Variants in PCDHGB1 observed in about 807,000 individuals in gnomAD.
PCDHGB1 encodes the protein protocadherin gamma-B1.
Under a neutral mutation model 56.6 loss-of-function variants are expected in PCDHGB1, and 34 were observed. The ratio of observed to expected loss-of-function variants is 0.60; its 90% confidence interval spans 0.46 to 0.80. PCDHGB1 has a LOEUF of 0.80. Among genes scored for constraint, PCDHGB1 ranks in the 30% least tolerant of loss-of-function variants. The pLI, the probability that PCDHGB1 is intolerant of heterozygous loss-of-function variation, is 0.00. For missense variants in PCDHGB1, 1,278 were observed against 1,204.6 expected, an observed-to-expected ratio of 1.06 and a Z score of -0.90; for synonymous variants, 561 against 505.9, an observed-to-expected ratio of 1.11 and a Z score of -1.46.
chr5:141,414,792 C>T (rs2095788725), intron 1 of PCDHGB1: 6 of 1,614,230 alleles, frequency 3.7e-6, no homozygotes, highest in African/African-American at 2.7e-5. Flanking sequence ...TGACAGCCAG[C>T]GACAGCGGGG....
At chr5:141,410,430 A>G in intron 1 of PCDHGB1, 1 of 1,613,976 alleles carries the variant, frequency 6.2e-7, no homozygotes, top group Middle Eastern at 1.6e-4. Context: ...CCCCCCAACT[A>G]CAGTGAGGGG....
At chr5:141,465,747 A>G (rs2099108470) in intron 1 of PCDHGB1, among the ~76,000 whole-genome samples, 2 of 151,126 alleles carry the variant, frequency 1.3e-5, no homozygotes, top group African/African-American at 4.9e-5. Flanking sequence ...TCAGGATCAG[A>G]CTGGTAAAGT....
chr5:141,439,390 C>T (rs528547728), intron 1 of PCDHGB1, among the ~76,000 whole-genome samples: 1 of 152,266 alleles, frequency 6.6e-6, no homozygotes, highest in South Asian at 2.1e-4. Flanking sequence ...GTCATCACTT[C>T]GACTTCATGT....
chr5:141,355,099 T>C, intron 1 of PCDHGB1: 2 of 1,497,570 alleles, frequency 1.3e-6, no homozygotes, highest in Non-Finnish European at 8.9e-7. Context: ...CTGAGAGCTC[T>C]GGCTGTGAAT....
At chr5:141,354,014 A>C (rs1759441261) in intron 1 of PCDHGB1, among the ~76,000 whole-genome samples, 1 of 152,248 alleles carries the variant, frequency 6.6e-6, no homozygotes, top group African/African-American at 2.4e-5. Flanking sequence ...AATTACTGTA[A>C]GTATTCATAA....
At position 141,491,735 on chromosome 5, in the gene PCDHGB1, G is replaced by C. The variant is rs765837152; in HGVS notation, c.2410-3072G>C. ...TCGGCGCCGCCCCGGGCGACCCCTG[G>C]GGGCGGCACTGGAGAAGCCGCCCGT... On this transcript the variant is annotated intron_variant, in intron 1 of 3. Coordinates refer to ENST00000523390, the MANE Select transcript of PCDHGB1 (RefSeq NM_018922.3). The surrounding 1 kb of genome is among the most constrained non-coding windows in gnomAD (Gnocchi z 6.9). 2.5e-6 allele frequency: 4 copies of C among 1,601,968 alleles called. No homozygotes were observed. In the South Asian group the frequency reaches 4.4e-5, roughly 18 times the overall value.
chr5:141,371,018 C>T (rs750315441), intron 1 of PCDHGB1: 17 of 1,613,876 alleles, frequency 1.1e-5, no homozygotes, highest in Non-Finnish European at 1.3e-5. Flanking sequence ...AGCCACATCA[C>T]CACCTGGTCC....
At chr5:141,404,532 A>G in intron 1 of PCDHGB1, 1 of 1,613,918 alleles carries the variant, frequency 6.2e-7, no homozygotes, top group Non-Finnish European at 8.5e-7. Context: ...CAGTTTAGAG[A>G]TTTGCAAATG....
At chr5:141,389,337 G>T (rs756804360) in intron 1 of PCDHGB1, 7 of 1,614,014 alleles carry the variant, frequency 4.3e-6, no homozygotes, top group Non-Finnish European at 5.9e-6. Flanking sequence ...CAACGGCCAA[G>T]TCTCTTACTG....
chr5:141,370,637 TG>T (rs1257063256), intron 1 of PCDHGB1: 1 of 1,613,770 alleles, frequency 6.2e-7, no homozygotes, highest in Non-Finnish European at 8.5e-7. Flanking sequence ...GCCCCGAAAA[TG>T]GGAACTTACT....
Position 141,511,400 on chromosome 5 carries a change from T to C in PCDHGB1, c.*227T>C. The C allele has an allele frequency of 2.0e-6, 2 of 982,250 alleles. No individual in the cohort carries two copies. Among genetic ancestry groups the C allele is most frequent in the Non-Finnish European group, 2.9e-6 (2 of 688,054 alleles). The allele number at this position is 982,250 out of a possible 1,614,324, so 60.8% of individuals were successfully genotyped here. On this transcript the variant is annotated 3_prime_UTR_variant, in exon 4 of 4. Coordinates refer to ENST00000523390, the MANE Select transcript of PCDHGB1 (RefSeq NM_018922.3). ...AGTTCCGCTGGGAACCCCCATCCAA[T>C]CAACTGCTGTACCCATGGGGGTAGT...
At chr5:141,423,192 C>T in intron 1 of PCDHGB1, 2 of 1,613,622 alleles carry the variant, frequency 1.2e-6, no homozygotes, top group African/African-American at 2.7e-5. Context: ...AGCCCCCTCT[C>T]TCGGCCACCG....
chr5:141,365,823 G>A lies in PCDHGB1; in HGVS notation c.2409+13154G>A, dbSNP rs778220021. The stretch of plus-strand genomic sequence containing the variant: ...TCCCTGGCTGAAGACACATTTCAGG[G>A]GGCGCCCTTGTCCTCCTATGTATCC... On this transcript the variant is annotated intron_variant, in intron 1 of 3. Coordinates refer to ENST00000523390, the MANE Select transcript of PCDHGB1 (RefSeq NM_018922.3). 8.7e-6 allele frequency: 14 copies of A among 1,613,794 alleles called. No individual in the cohort carries two copies. The South Asian group carries it at 1.2e-4, about 14-fold the overall frequency.
At chr5:141,422,872 C>T (rs773469060) in intron 1 of PCDHGB1, 19 of 1,614,134 alleles carry the variant, frequency 1.2e-5, no homozygotes, top group African/African-American at 2.7e-5. Flanking sequence ...CAACGTGTCG[C>T]TGAGCCTGTT....
At chr5:141,420,907 C>G (rs916293573) in intron 1 of PCDHGB1, 3 of 301,914 alleles carry the variant, frequency 9.9e-6, no homozygotes, top group Admixed American at 4.6e-5. Context: ...TCTACAAATA[C>G]GTGTGATTCA....
rs1594666821 is a variant in PCDHGB1, at chr5:141,487,316, T to C, written c.2410-7491T>C. 6.2e-7 allele frequency: 1 copy of C among 1,614,164 alleles called. No individual in the cohort carries two copies. Among genetic ancestry groups the C allele is most frequent in the South Asian group, 1.1e-5 (1 of 91,080 alleles). On this transcript the variant is annotated intron_variant, in intron 1 of 3. Coordinates refer to ENST00000523390, the MANE Select transcript of PCDHGB1 (RefSeq NM_018922.3). This position sits in a 1 kb window ranked among gnomAD's most constrained non-coding sequence, Gnocchi z 5.0. ...CTCATTCGTGGCACTACTCTCTAAG[T>C]GTCTTCGTGGGGCAGCCTGTGGAGT... is the stretch of plus-strand genomic sequence containing the variant.
At chr5:141,467,491 A>T (rs2154569531) in intron 1 of PCDHGB1, among the ~76,000 whole-genome samples, 1 of 152,224 alleles carries the variant, frequency 6.6e-6, no homozygotes, top group Admixed American at 6.5e-5. Flanking sequence ...CCACATTTAG[A>T]TCCCTGATCT....
chr5:141,428,040 G>T, intron 1 of PCDHGB1: 1 of 1,608,668 alleles, frequency 6.2e-7, no homozygotes, highest in Non-Finnish European at 8.5e-7. Flanking sequence ...CGGCTACCTG[G>T]TGACCAAGGT....
At position 141,419,228 on chromosome 5, in the gene PCDHGB1, T is replaced by G. The variant is rs761014077; in HGVS notation, c.2409+66559T>G. The G allele has an allele frequency of 2.5e-6, 4 of 1,613,874 alleles. No individual in the cohort carries two copies. The East Asian group carries it at 8.9e-5, about 36-fold the overall frequency. On this transcript the variant is annotated intron_variant, in intron 1 of 3. Coordinates refer to ENST00000523390, the MANE Select transcript of PCDHGB1 (RefSeq NM_018922.3). Reference sequence around the variant, plus strand: ...CGCGCCGGTTTTCGGACAGTCAGCCTACCTGGTCCACGTGCCAGAAAACAA... The same window carrying G: ...CGCGCCGGTTTTCGGACAGTCAGCCGACCTGGTCCACGTGCCAGAAAACAA...
Sources: gnomAD v4.1 joint callset for allele counts (sites outside exome capture counted in the v4.1 genomes callset) on GRCh38, gnomAD v4.1.1 for gene constraint, Gnocchi (gnomAD v3.1) non-coding constraint, MANE v1.5 for transcripts, NCBI Gene and HGNC (gene_info 2026-07-23, HGNC 2026-07-21) for gene names.